The following ADAMTS17 variants were observed in gnomAD, a reference collection of about 807,000 sequenced individuals.
The protein encoded by ADAMTS17 is ADAM metallopeptidase with thrombospondin type 1 motif 17, also known as A disintegrin and metalloproteinase with thrombospondin motifs 17.
Under a neutral mutation model 141.5 loss-of-function variants are expected in ADAMTS17, and 113 were observed. That is an observed-to-expected ratio of 0.80 (90% CI 0.69 to 0.93). The LOEUF is 0.93. Ranked by LOEUF, ADAMTS17 falls within the 40% of genes least tolerant of loss-of-function variation. The pLI is 0.00. For missense variants in ADAMTS17, 1,659 were observed against 1,517.9 expected, an observed-to-expected ratio of 1.09 and a Z score of -1.54; for synonymous variants, 768 against 630.6, an observed-to-expected ratio of 1.22 and a Z score of -3.27.
At chr15:100,338,558 C>T (rs78508131) in intron 2 of ADAMTS17, among the ~76,000 whole-genome samples, 8,677 of 152,274 alleles carry the variant, frequency 0.057, 323 homozygotes, top group East Asian at 0.15. Context: ...CTTTGAGCAG[C>T]TGCAACAAAG....
At chr15:100,216,409 G>T (rs1167648868) in intron 7 of ADAMTS17, among the ~76,000 whole-genome samples, 1 of 152,180 alleles carries the variant, frequency 6.6e-6, no homozygotes, top group Non-Finnish European at 1.5e-5. Flanking sequence ...TTATCAACAT[G>T]ACATTTGGAA....
chr15:100,084,027 G>A lies in ADAMTS17; in HGVS notation c.2137+12329C>T, dbSNP rs139343923. 4.8e-3 allele frequency among the ~76,000 whole-genome samples: 735 copies of A among 152,190 alleles called. 9 individuals carry two copies. The highest frequency in any genetic ancestry group is 0.017 in the African/African-American group (686 of 41,508). ...AGTGGGTGCAGTGCACCGTGAGTGAGCCGAAGCAGGGTGAGGCATCACCTC... is the reference window on the plus strand; with the variant it reads ...AGTGGGTGCAGTGCACCGTGAGTGAACCGAAGCAGGGTGAGGCATCACCTC... On this transcript the variant is annotated intron_variant, in intron 15 of 21. Transcript: ENST00000268070.
At chr15:100,332,875 C>T (rs1446568713) in intron 2 of ADAMTS17, among the ~76,000 whole-genome samples, 1 of 152,198 alleles carries the variant, frequency 6.6e-6, no homozygotes, top group African/African-American at 2.4e-5. Flanking sequence ...CGACCTCGAA[C>T]AGGGATGTGG....
At position 99,997,666 on chromosome 15, in the gene ADAMTS17, C is replaced by A; in HGVS notation, c.2592-77G>T. On this transcript the variant is annotated intron_variant, in intron 18 of 21. Transcript: ENST00000268070. The surrounding 1 kb of genome is among the most constrained non-coding windows in gnomAD (Gnocchi z 4.7). ...CTCCGGAGGGCCTTCCGGCCGGATC[C>A]TGGAATTGCTGCCCTGTGGTGGGAG... 1 of 1,570,980 alleles carries A rather than the reference C, an allele frequency of 6.4e-7. No individual in the cohort carries two copies. Among genetic ancestry groups the A allele is most frequent in the South Asian group, 1.1e-5 (1 of 90,018 alleles).
intron 7 of ADAMTS17, among the ~76,000 whole-genome samples, chr15:100,216,092 C>A (rs2041960390): frequency 6.6e-6 from 1 of 152,204 alleles, no homozygotes; most frequent in Non-Finnish European, 1.5e-5. Flanking sequence ...CTGCCACTTC[C>A]CACCTGGGTG....
intron 3 of ADAMTS17, among the ~76,000 whole-genome samples, chr15:100,309,606 C>A (rs548780534): frequency 6.6e-6 from 1 of 152,200 alleles, no homozygotes; most frequent in Non-Finnish European, 1.5e-5. Context: ...AAGCCTACAA[C>A]GTGCCAGGCA....
intron 18 of ADAMTS17, among the ~76,000 whole-genome samples, chr15:100,007,274 G>A (rs2141384757): frequency 6.6e-6 from 1 of 152,288 alleles, no homozygotes; most frequent in East Asian, 1.9e-4. Flanking sequence ...CAACTGACAA[G>A]TCTGGGATGT....
intron 15 of ADAMTS17, among the ~76,000 whole-genome samples, chr15:100,055,796 G>T (rs2032516639): frequency 6.6e-6 from 1 of 152,086 alleles, no homozygotes; most frequent in African/African-American, 2.4e-5. Flanking sequence ...TATTCTCTAG[G>T]TTGGCTCTTT....
intron 11 of ADAMTS17, 22 bp from the exon 12 acceptor site, chr15:100,132,174 C>G (rs763074042): frequency 6.2e-7 from 1 of 1,610,686 alleles, no homozygotes; most frequent in Non-Finnish European, 8.5e-7. Flanking sequence ...CGGGGAGGGT[C>G]GGGGCCCAGG....
chr15:100,218,371 A>C (rs2042032388), intron 7 of ADAMTS17, among the ~76,000 whole-genome samples: 1 of 152,244 alleles, frequency 6.6e-6, no homozygotes. Context: ...CTCAGCAAAA[A>C]AAATTATTCC....
intron 15 of ADAMTS17, among the ~76,000 whole-genome samples, chr15:100,087,028 C>G (rs2035149346): frequency 6.6e-6 from 1 of 152,068 alleles, no homozygotes; most frequent in Admixed American, 6.5e-5. Flanking sequence ...ACAAAAAACC[C>G]TTCAAAAAAT....
chr15:100,034,333 G>C (rs552186683), intron 18 of ADAMTS17, among the ~76,000 whole-genome samples: 2 of 152,214 alleles, frequency 1.3e-5, no homozygotes, highest in South Asian at 4.1e-4. Context: ...ACATGCCCAC[G>C]GAATCCCCTT....
intron 8 of ADAMTS17, among the ~76,000 whole-genome samples, chr15:100,192,093 C>T (rs955568975): frequency 1.3e-5 from 2 of 152,174 alleles, no homozygotes; most frequent in Admixed American, 6.5e-5. Flanking sequence ...ACGTTTTGAA[C>T]AACTCTGGAA....
At chr15:100,288,191 A>G (rs2044509924) in intron 3 of ADAMTS17, among the ~76,000 whole-genome samples, 1 of 152,232 alleles carries the variant, frequency 6.6e-6, no homozygotes, top group Admixed American at 6.5e-5. Context: ...GGAAAACAAA[A>G]CAAAACAAAA....
chr15:100,202,418 T>A (rs1347087925), intron 7 of ADAMTS17, among the ~76,000 whole-genome samples: 3 of 152,192 alleles, frequency 2.0e-5, no homozygotes, highest in Non-Finnish European at 4.4e-5. Flanking sequence ...GTGACCAGCC[T>A]GGTCATAAAA....
chr15:100,181,122 G>A (rs907667883), intron 8 of ADAMTS17, among the ~76,000 whole-genome samples: 1 of 152,020 alleles, frequency 6.6e-6, no homozygotes, highest in Non-Finnish European at 1.5e-5. Context: ...GGGGAGTACT[G>A]CCAGGCTACC....
Position 99,974,376 on chromosome 15 carries a change from C to G in ADAMTS17, c.*26G>C, listed in dbSNP as rs2060274886. ...GGTGGGTTTCAGACCTGAGTCTGAG[C>G]TTTGAGCGACCCTTGGGACTGCGTG... On this transcript the variant is annotated 3_prime_UTR_variant, in exon 22 of 22. Coordinates refer to ENST00000268070, the MANE Select transcript of ADAMTS17 (RefSeq NM_139057.4). 5.6e-6 allele frequency: 9 copies of G among 1,613,870 alleles called. No individual in the cohort carries two copies. The highest frequency in any genetic ancestry group is 7.6e-6 in the Non-Finnish European group (9 of 1,180,014).
intron 20 of ADAMTS17, among the ~76,000 whole-genome samples, chr15:99,991,459 A>C (rs558403789): frequency 2.0e-5 from 3 of 152,384 alleles, no homozygotes; most frequent in African/African-American, 7.2e-5. Flanking sequence ...TGCAAATCAA[A>C]ACCACAATGA....
chr15:100,092,650 C>A (rs1159687098), intron 15 of ADAMTS17, among the ~76,000 whole-genome samples: 3 of 152,186 alleles, frequency 2.0e-5, no homozygotes, highest in African/African-American at 4.8e-5. Context: ...GAGCATGGAA[C>A]CTGGCATGTG....
Sources: gnomAD v4.1 joint callset for allele counts (sites outside exome capture counted in the v4.1 genomes callset) on GRCh38, gnomAD v4.1.1 for gene constraint, Gnocchi (gnomAD v3.1) non-coding constraint, MANE v1.5 for transcripts, NCBI Gene and HGNC (gene_info 2026-07-23, HGNC 2026-07-21) for gene names.